The following KRABD2 variants were observed in gnomAD, a reference collection of about 807,000 sequenced individuals.
KRABD2 encodes the protein KRAB domain-containing protein 2.
the KRABD2 span, among the ~76,000 whole-genome samples, chr17:8,364,426 C>T: frequency 3.9e-5 from 6 of 152,160 alleles, no homozygotes; most frequent in African/African-American, 1.2e-4. This position sits in a 1 kb window ranked among gnomAD's most constrained non-coding sequence, Gnocchi z 4.4. Flanking sequence ...GATCATGGCT[C>T]ACTTTAACTT....
At chr17:8,361,821 C>T in the KRABD2 span, among the ~76,000 whole-genome samples, 1 of 152,202 alleles carries the variant, frequency 6.6e-6, no homozygotes, top group South Asian at 2.1e-4. Context: ...GCACGAGCCA[C>T]TGCACCTGGC....
At chr17:8,375,404 T>A in the KRABD2 span, among the ~76,000 whole-genome samples, 1 of 152,244 alleles carries the variant, frequency 6.6e-6, no homozygotes, top group Non-Finnish European at 1.5e-5. Context: ...GGCGGCATCT[T>A]CCTTTGGATC....
the KRABD2 span, chr17:8,370,311 A>C: frequency 6.2e-7 from 1 of 1,610,948 alleles, no homozygotes; most frequent in Admixed American, 1.7e-5. Context: ...CTCCATTTCC[A>C]TTTCACTTGC....
the KRABD2 span, among the ~76,000 whole-genome samples, chr17:8,374,069 GC>G: frequency 6.7e-6 from 1 of 150,230 alleles, no homozygotes; most frequent in Non-Finnish European, 1.5e-5. Context: ...CCGGCCGGCC[GC>G]CCCGTCTGGG....
At chr17:8,372,293 CAG>C in the KRABD2 span, among the ~76,000 whole-genome samples, 1 of 152,184 alleles carries the variant, frequency 6.6e-6, no homozygotes, top group East Asian at 1.9e-4. This position sits in a 1 kb window ranked among gnomAD's most constrained non-coding sequence, Gnocchi z 4.1. Context: ...AGAGGAAAAA[CAG>C]TGTGTATTAA....
the KRABD2 span, among the ~76,000 whole-genome samples, chr17:8,360,494 A>G: frequency 6.6e-6 from 1 of 152,182 alleles, no homozygotes; most frequent in East Asian, 1.9e-4. Context: ...CTGGGTAAAC[A>G]AAGATTAGCA....
At chr17:8,376,140 A>AC in the KRABD2 span, 23 of 1,231,494 alleles carry the variant, frequency 1.9e-5, no homozygotes, top group African/African-American at 3.6e-4. Flanking sequence ...ACCTGCCTGT[A>AC]CCCCCTTTGG....
chr17:8,372,735 G>A, the KRABD2 span, among the ~76,000 whole-genome samples: 13 of 152,172 alleles, frequency 8.5e-5, no homozygotes, highest in Non-Finnish European at 1.6e-4. This position sits in a 1 kb window ranked among gnomAD's most constrained non-coding sequence, Gnocchi z 4.1. Flanking sequence ...TCAGGGGACC[G>A]CAAAGGAAGG....
chr17:8,362,097 T>G, the KRABD2 span, among the ~76,000 whole-genome samples: 2 of 152,034 alleles, frequency 1.3e-5, no homozygotes, highest in African/African-American at 4.8e-5. The surrounding 1 kb of genome is among the most constrained non-coding windows in gnomAD (Gnocchi z 4.2). Context: ...GAGGCCAAGG[T>G]GGGTGGTGGA....
chr17:8,376,253 A>G, the KRABD2 span: 1 of 1,229,950 alleles, frequency 8.1e-7, no homozygotes, highest in Admixed American at 4.2e-5. Context: ...GAGCAGCGGT[A>G]CGGCCGAGTC....
chr17:8,369,483 T>C, the KRABD2 span: 1 of 1,613,942 alleles, frequency 6.2e-7, no homozygotes, highest in Non-Finnish European at 8.5e-7. Context: ...GTGGTTACTC[T>C]GCATCCAGGT....
At chr17:8,375,536 A>AT in the KRABD2 span, among the ~76,000 whole-genome samples, 5,411 of 141,180 alleles carry the variant, frequency 0.038, 140 homozygotes, top group East Asian at 0.085. Flanking sequence ...TTTTTCTTTC[A>AT]TTTTTTTTTT....
chr17:8,363,826 C>CATATATATATATATAT, the KRABD2 span, among the ~76,000 whole-genome samples: 2 of 54,156 alleles, frequency 3.7e-5, no homozygotes. Flanking sequence ...ATATATATAT[C>CATATATATATATATAT]ATACATATAT....
chr17:8,369,765 T>C, the KRABD2 span: 1 of 1,614,194 alleles, frequency 6.2e-7, no homozygotes, highest in Non-Finnish European at 8.5e-7. Flanking sequence ...ATCCTGGTAG[T>C]ATAAAATGAA....
At chr17:8,366,022 G>A in the KRABD2 span, among the ~76,000 whole-genome samples, 1 of 152,090 alleles carries the variant, frequency 6.6e-6, no homozygotes, top group Admixed American at 6.6e-5. Flanking sequence ...CAGCTACTTG[G>A]GAGGCTGAGG....
At chr17:8,358,895 C>G in the KRABD2 span, among the ~76,000 whole-genome samples, 1 of 152,198 alleles carries the variant, frequency 6.6e-6, no homozygotes, top group Admixed American at 6.5e-5. Flanking sequence ...GTACAATCCT[C>G]AAGACCAGGA....
At chr17:8,368,953 T>C in the KRABD2 span, 1 of 1,102,336 alleles carries the variant, frequency 9.1e-7, no homozygotes, top group Non-Finnish European at 1.2e-6. Flanking sequence ...GGTAATTTTT[T>C]ATGGCAGCCC....
the KRABD2 span, chr17:8,373,585 C>T: frequency 5.6e-6 from 1 of 180,088 alleles, no homozygotes; most frequent in Non-Finnish European, 1.1e-5. Flanking sequence ...TAGCCTCTGC[C>T]CGGCTGCCAC....
At chr17:8,373,200 C>T in the KRABD2 span, among the ~76,000 whole-genome samples, 1 of 151,276 alleles carries the variant, frequency 6.6e-6, no homozygotes. Flanking sequence ...CTCCCTCTCT[C>T]TCCACGGTCT....
Sources: allele counts gnomAD v4.1 joint callset (sites outside exome capture counted in the v4.1 genomes callset), GRCh38; gene constraint gnomAD v4.1.1; non-coding constraint Gnocchi (gnomAD v3.1); transcripts MANE v1.5; gene names NCBI Gene and HGNC (gene_info 2026-07-23, HGNC 2026-07-21).